The following NRCAM variants were observed in gnomAD, a reference collection of about 807,000 sequenced individuals.
NRCAM encodes NgCAM-related cell adhesion molecule.
NRCAM carries 83 observed loss-of-function variants against 156.5 expected under a neutral mutation model. The ratio of observed to expected loss-of-function variants is 0.53; its 90% confidence interval spans 0.44 to 0.64. The LOEUF is 0.64. NRCAM is among the 30% of genes least tolerant of loss of function. NRCAM has a pLI of 0.00. For synonymous variants in NRCAM, 538 were observed against 563.9 expected (o/e 0.95, Z 0.65); for missense variants, 1,417 against 1,597.3 (o/e 0.89, Z 1.92).
chr7:108,266,543 T>C (rs2097110849), intron 3 of NRCAM, among the ~76,000 whole-genome samples: 1 of 152,184 alleles, frequency 6.6e-6, no homozygotes, highest in Non-Finnish European at 1.5e-5. Flanking sequence ...TAAATGATAT[T>C]TTTTGGGGGG....
intron 6 of NRCAM, among the ~76,000 whole-genome samples, chr7:108,234,333 C>A (rs1171391408): frequency 6.6e-6 from 1 of 152,092 alleles, no homozygotes; most frequent in Non-Finnish European, 1.5e-5. Flanking sequence ...AAACAATACA[C>A]CTACAGGTGA....
At chr7:108,228,186 G>A (rs2093773988) in intron 8 of NRCAM, among the ~76,000 whole-genome samples, 1 of 152,106 alleles carries the variant, frequency 6.6e-6, no homozygotes, top group Non-Finnish European at 1.5e-5. Context: ...GCCAGGCGTG[G>A]TGGTTTGCAC....
chr7:108,345,536 C>G (rs1168585372), intron 2 of NRCAM, among the ~76,000 whole-genome samples: 1 of 152,104 alleles, frequency 6.6e-6, no homozygotes, highest in Admixed American at 6.6e-5. Context: ...CCCTAATCTT[C>G]AATGTGATAG....
At chr7:108,191,485 T>C (rs2071478336) in intron 18 of NRCAM, among the ~76,000 whole-genome samples, 2 of 152,208 alleles carry the variant, frequency 1.3e-5, no homozygotes, top group African/African-American at 2.4e-5. Flanking sequence ...AGATCATTTC[T>C]CCTTATTTTA....
At chr7:108,431,224 T>C (rs933838215) in intron 1 of NRCAM, among the ~76,000 whole-genome samples, 1 of 152,176 alleles carries the variant, frequency 6.6e-6, no homozygotes, top group Non-Finnish European at 1.5e-5. Flanking sequence ...CATGGCAGAC[T>C]GATCTCCAGC....
intron 4 of NRCAM, among the ~76,000 whole-genome samples, chr7:108,239,628 A>C (rs1167272375): frequency 6.6e-6 from 1 of 152,038 alleles, no homozygotes; most frequent in Non-Finnish European, 1.5e-5. Context: ...TTCTTGCAGG[A>C]CTGCTTCTCT....
intron 2 of NRCAM, among the ~76,000 whole-genome samples, chr7:108,353,376 A>AG (rs1252891867): frequency 4.0e-5 from 6 of 150,938 alleles, no homozygotes; most frequent in Non-Finnish European, 1.5e-5. Flanking sequence ...ATTTTGAGAC[A>AG]GGGTCTCACT....
At chr7:108,455,005 G>A (rs1247851097) in intron 1 of NRCAM, among the ~76,000 whole-genome samples, 2 of 152,088 alleles carry the variant, frequency 1.3e-5, no homozygotes, top group African/African-American at 2.4e-5. Context: ...CTCGGTGCCC[G>A]CGGCGCAGGG....
intron 1 of NRCAM, among the ~76,000 whole-genome samples, chr7:108,444,212 C>T (rs796762972): frequency 2.4e-4 from 37 of 152,162 alleles, no homozygotes; most frequent in African/African-American, 7.9e-4. Context: ...GTAGGTTATA[C>T]GCAAATACTA....
chr7:108,358,362 A>G (rs2099522584), intron 2 of NRCAM, among the ~76,000 whole-genome samples: 1 of 151,856 alleles, frequency 6.6e-6, no homozygotes, highest in South Asian at 2.1e-4. Flanking sequence ...CCGTGGTTAT[A>G]CCACTGCACT....
At chr7:108,293,080 C>T (rs144576652) in intron 3 of NRCAM, among the ~76,000 whole-genome samples, 415 of 152,202 alleles carry the variant, frequency 2.7e-3, no homozygotes, top group Non-Finnish European at 4.5e-3. Flanking sequence ...ACCCAGAAAA[C>T]GGGGGTCAAT....
intron 3 of NRCAM, among the ~76,000 whole-genome samples, chr7:108,289,828 T>C (rs2098230599): frequency 6.6e-6 from 1 of 152,110 alleles, no homozygotes; most frequent in Admixed American, 6.6e-5. Context: ...TCTTTGGACC[T>C]ACCCCAAGCC....
At chr7:108,159,648 C>A (rs190436754) in intron 31 of NRCAM, 107 bp from the exon 32 acceptor site, 6 of 791,274 alleles carry the variant, frequency 7.6e-6, no homozygotes, top group Non-Finnish European at 1.3e-5. Flanking sequence ...TAATTCCATA[C>A]ACAAGTAGAT....
At chr7:108,191,170 CAT>C (rs2071198521) in intron 19 of NRCAM, 82 bp downstream of exon 19, 2 of 1,118,630 alleles carry the variant, frequency 1.8e-6, no homozygotes, top group South Asian at 2.9e-5. Flanking sequence ...AATTATGTGA[CAT>C]AGAAAAGAAA....
chr7:108,430,756 C>T (rs1362176600), intron 1 of NRCAM, among the ~76,000 whole-genome samples: 1 of 152,074 alleles, frequency 6.6e-6, no homozygotes, highest in Non-Finnish European at 1.5e-5. Flanking sequence ...TTCAGTCTGG[C>T]AAACTTCTAA....
intron 30 of NRCAM, among the ~76,000 whole-genome samples, chr7:108,161,969 A>G (rs1312697492): frequency 6.6e-6 from 1 of 152,224 alleles, no homozygotes; most frequent in Non-Finnish European, 1.5e-5. Context: ...CCATACACAT[A>G]CCATAGTCAT....
At chr7:108,253,788 G>A (rs2096492047) in intron 3 of NRCAM, among the ~76,000 whole-genome samples, 1 of 152,178 alleles carries the variant, frequency 6.6e-6, no homozygotes, top group Admixed American at 6.5e-5. Flanking sequence ...GAGACTGGGA[G>A]TGGTCAGAGA....
chr7:108,334,018 C>G (rs1037892876), intron 2 of NRCAM, among the ~76,000 whole-genome samples: 1 of 152,106 alleles, frequency 6.6e-6, no homozygotes, highest in Non-Finnish European at 1.5e-5. Context: ...AACATTATGT[C>G]ACAAATATTT....
intron 2 of NRCAM, among the ~76,000 whole-genome samples, chr7:108,366,471 G>A (rs1240094799): frequency 6.6e-6 from 1 of 152,222 alleles, no homozygotes; most frequent in Admixed American, 6.5e-5. Flanking sequence ...AGGTCTGCCA[G>A]TGTAAGGTAG....
Sources: gnomAD v4.1 joint callset for allele counts (sites outside exome capture counted in the v4.1 genomes callset) on GRCh38, gnomAD v4.1.1 for gene constraint, MANE v1.5 for transcripts, NCBI Gene and HGNC (gene_info 2026-07-23, HGNC 2026-07-21) for gene names.